Variants in KDM5C observed in about 807,000 individuals in gnomAD.
KDM5C encodes the protein lysine-specific demethylase 5C.
A neutral mutation model predicts 110.6 loss-of-function variants in KDM5C; 16 were observed. That is an observed-to-expected ratio of 0.14 (90% confidence interval 0.10 to 0.22). KDM5C has a LOEUF of 0.22. KDM5C is among the 10% of genes least tolerant of loss of function. KDM5C has a pLI of 1.00. For synonymous variants in KDM5C, 511 were observed against 520.4 expected, an observed-to-expected ratio of 0.98 and a Z score of 0.24; for missense variants, 681 against 1,300.9, an observed-to-expected ratio of 0.52 and a Z score of 7.33.
rs782308009 is a variant in KDM5C, at chrX:53,197,552, T to G, written c.2622+219A>C. Reference sequence around the variant, plus strand: ...CTCCTCCAGGAAACCTTACCTGGACTCTGTATCCTATACCCATACCCTTGC... The same window carrying G: ...CTCCTCCAGGAAACCTTACCTGGACGCTGTATCCTATACCCATACCCTTGC... On this transcript the variant is annotated intron_variant, in intron 18 of 25. Transcript: ENST00000375401. The G allele has an allele frequency of 1.2e-4, 48 of 417,120 alleles. No individual in the cohort carries two copies. In the African/African-American group the frequency reaches 1.2e-3, roughly 10 times the overall value. 34.4% of individuals were successfully genotyped at this position (417,120 alleles called of 1,213,427 possible).
chrX:53,194,967 C>G lies in KDM5C; in HGVS notation c.3402G>C (p.Gly1134=), dbSNP rs1556835381. 8.3e-7 allele frequency: 1 copy of G among 1,211,177 alleles called. No individual in the cohort carries two copies. The highest frequency in any genetic ancestry group is 1.1e-6 in the Non-Finnish European group (1 of 895,106). The change falls in exon 22 of 26, where the codon GGG becomes GGC. Residue 1134 remains glycine (G), a synonymous_variant. Transcript: ENST00000375401. The part of the protein sequence containing the change: ...GLYKSDTELL[G]LSAQDLRDPG... ...GGTCCCTGAGGTCCTGCGCAGACAGCCCCAGCAGCTCTGTGTCAGATTTGT... is the reference window on the plus strand; with the variant it reads ...GGTCCCTGAGGTCCTGCGCAGACAGGCCCAGCAGCTCTGTGTCAGATTTGT...
chrX:53,192,799 T>C lies in KDM5C; in HGVS notation c.*168A>G. On this transcript the variant is annotated 3_prime_UTR_variant, in exon 26 of 26. Coordinates refer to ENST00000375401, the MANE Select transcript of KDM5C (RefSeq NM_004187.5). ...CCCCCAGGAGCTGAGGTCTGAACAA[T>C]ACCTTGGAGTCAGAATACAAAAGTC... 1 of 1,109,745 alleles carries C rather than the reference T, an allele frequency of 9.0e-7. No homozygotes were observed. The highest frequency in any genetic ancestry group is 1.2e-6 in the Non-Finnish European group (1 of 836,606). The allele number at this position is 1,109,745 out of a possible 1,213,427, so 91.5% of individuals were successfully genotyped here. A position where few individuals can be genotyped will look rare whatever the true frequency, so the allele number is the denominator to read the frequency against.
At chrX:53,207,968 CAA>C (rs781945536) in intron 12 of KDM5C, among the ~76,000 whole-genome samples, 175 of 30,558 alleles carry the variant, frequency 5.7e-3, no homozygotes, top group African/African-American at 0.021. Flanking sequence ...GACTCTGTCT[CAA>C]AAAAAAAAAA....
At chrX:53,207,886 T>C (rs372598194) in intron 12 of KDM5C, among the ~76,000 whole-genome samples, 25 of 104,014 alleles carry the variant, frequency 2.4e-4, no homozygotes, top group South Asian at 4.4e-4. Context: ...GAGGAGGAGG[T>C]TGCAGTGAGC....
At chrX:53,195,155 T>G in intron 21 of KDM5C, 76 bp downstream of exon 21, 1 of 1,169,506 alleles carries the variant, frequency 8.6e-7, no homozygotes, top group Non-Finnish European at 1.2e-6. Context: ...ACAAAACCCA[T>G]GTTATCTCAT....
rs1480007973 is a variant in KDM5C at position 53,224,981 on chromosome X, C to A, written c.-92G>T. ...CGCTGTTTGAAGCCGAGGCAATGCTCGGAGGCTAGGCCCTAAGCGGGGCAG... is the reference window on the plus strand; with the variant it reads ...CGCTGTTTGAAGCCGAGGCAATGCTAGGAGGCTAGGCCCTAAGCGGGGCAG... On this transcript the variant is annotated 5_prime_UTR_variant, in exon 1 of 26. Transcript: ENST00000375401. 3 of 1,047,673 alleles carry A rather than the reference C, an allele frequency of 2.9e-6. No individual in the cohort carries two copies. The highest frequency in any genetic ancestry group is 2.5e-6 in the Non-Finnish European group (2 of 795,823). 86.3% of individuals were successfully genotyped at this position (1,047,673 alleles called of 1,213,427 possible). A position where few individuals can be genotyped will look rare whatever the true frequency, so the allele number is the denominator to read the frequency against.
downstream of KDM5C, chrX:53,191,648 G>A: frequency 5.7e-6 from 1 of 174,675 alleles, no homozygotes; most frequent in East Asian, 8.1e-5. Flanking sequence ...AGGGAATTAT[G>A]CAGTAGATGG....
chrX:53,193,568 G>A lies in KDM5C; in HGVS notation c.4186C>T (p.Arg1396Trp), dbSNP rs782171515. The A allele has an allele frequency of 8.3e-7, 1 of 1,211,785 alleles. No individual in the cohort carries two copies. The highest frequency in any genetic ancestry group is 2.2e-5 in the Admixed American group (1 of 46,084). Residue 1396 changes from arginine (R) to tryptophan (W), a missense_variant, in exon 25 of 26, where the codon CGG becomes TGG. Transcript: ENST00000375401. The stretch of plus-strand genomic sequence containing the variant: ...ATCATGAGCTCCTCCAAGGGGGCCC[G>A]GGTTGCCTCAGGCAGTTCCAACACA... Reference protein sequence around the residue: ...GPVLELPEATRAPLEELMMEG... With the variant: ...GPVLELPEATWAPLEELMMEG...
chrX:53,203,579 C>T lies in KDM5C; in HGVS notation c.1747-1606G>A, dbSNP rs2073218616. On this transcript the variant is annotated intron_variant, in intron 12 of 25. Coordinates refer to ENST00000375401, the MANE Select transcript of KDM5C (RefSeq NM_004187.5). The stretch of plus-strand genomic sequence containing the variant: ...TCATCTTTCAAAAGTGGAAAACATA[C>T]ACTTTTTACATTTTTCACTTTTGCT... Among the ~76,000 whole-genome samples, 3 of 111,488 alleles carry T rather than the reference C, an allele frequency of 2.7e-5. No individual in the cohort carries two copies. The Admixed American group carries it at 2.9e-4, about 11-fold the overall frequency.
At chrX:53,209,595 C>T (rs1420930112) in intron 12 of KDM5C, among the ~76,000 whole-genome samples, 2 of 111,246 alleles carry the variant, frequency 1.8e-5, no homozygotes, top group Non-Finnish European at 3.8e-5. Context: ...GGCCAAAGAG[C>T]GTGGAAGGGT....
chrX:53,205,649 C>T (rs1316488501), intron 12 of KDM5C, among the ~76,000 whole-genome samples: 2 of 112,064 alleles, frequency 1.8e-5, no homozygotes, highest in Admixed American at 9.5e-5. Context: ...TGATAACCCC[C>T]GCTTCCTAAA....
chrX:53,207,028 T>C (rs1163209330), intron 12 of KDM5C, among the ~76,000 whole-genome samples: 3 of 105,420 alleles, frequency 2.8e-5, no homozygotes, highest in Non-Finnish European at 5.8e-5. Context: ...TACACAAAAA[T>C]TAGCCAGGCA....
At position 53,211,587 on chromosome X, in the gene KDM5C, A is replaced by G. The variant is rs1220879151; in HGVS notation, c.1311T>C (p.Thr437=). 1 of 1,209,723 alleles carries G rather than the reference A, an allele frequency of 8.3e-7. No individual in the cohort carries two copies. Among genetic ancestry groups the G allele is most frequent in the Non-Finnish European group, 1.1e-6 (1 of 894,821 alleles). The change falls in exon 10 of 26, where the codon ACT becomes ACC. Residue 437 remains threonine, a synonymous_variant. Coordinates refer to ENST00000375401, the MANE Select transcript of KDM5C (RefSeq NM_004187.5). Reference sequence around the variant, plus strand: ...AATGGATGTCAGCTCCATACTCAACAGTCACATCTTCCTCAATGCTATTTA... The same window carrying G: ...AATGGATGTCAGCTCCATACTCAACGGTCACATCTTCCTCAATGCTATTTA... The part of the protein sequence containing the change: ...RLVNSIEEDV[T]VEYGADIHSK...
At chrX:53,211,941 A>G (rs781792511) in intron 8 of KDM5C, 35 bp from the exon 9 acceptor site, 17 of 1,204,558 alleles carry the variant, frequency 1.4e-5, no homozygotes, top group African/African-American at 1.4e-4. Context: ...ACCAAAACAG[A>G]GGCAAAGAGG....
intron 12 of KDM5C, among the ~76,000 whole-genome samples, chrX:53,207,700 G>C (rs2073389182): frequency 9.0e-6 from 1 of 111,544 alleles, no homozygotes; most frequent in Non-Finnish European, 1.9e-5. Context: ...TGTAATCCTA[G>C]CACTTTGGGA....
In KDM5C at chrX:53,194,567, G is replaced by T; in HGVS notation, c.3610C>A (p.Leu1204Met). The T allele has an allele frequency of 8.3e-7, 1 of 1,211,972 alleles. No homozygotes were observed. The highest frequency in any genetic ancestry group is 1.1e-6 in the Non-Finnish European group (1 of 895,388). The part of the protein sequence containing the change: ...LAGAGALQCD[L>M]CQDWFHGRCV... ...CGCCCATGGAACCAGTCCTGACACA[G>T]GTCACACTGCAGAGCTCCCGCCCCA... is the stretch of plus-strand genomic sequence containing the variant. Residue 1204 changes from leucine to methionine, a missense_variant, in exon 23 of 26, where the codon CTG (leucine) becomes ATG (methionine). By Grantham distance (15) the Leu-to-Met change is conservative (BLOSUM62 2). This residue lies in a region of KDM5C where 48 missense variants were observed against 59.7 expected (regional missense o/e 0.80). Coordinates refer to ENST00000375401, the MANE Select transcript of KDM5C (RefSeq NM_004187.5).
intron 12 of KDM5C, among the ~76,000 whole-genome samples, chrX:53,206,165 A>C (rs1320380182): frequency 8.9e-6 from 1 of 112,707 alleles, no homozygotes. Flanking sequence ...TAAAGTTCTG[A>C]TACATGCTGC....
At chrX:53,203,778 T>C (rs2073227868) in intron 12 of KDM5C, among the ~76,000 whole-genome samples, 1 of 109,670 alleles carries the variant, frequency 9.1e-6, no homozygotes, top group African/African-American at 3.3e-5. Context: ...TTTTGTTTTT[T>C]TTTTTTGACG....
intron 8 of KDM5C, chrX:53,214,436 A>T (rs1556850603): frequency 2.7e-6 from 1 of 374,712 alleles, no homozygotes; most frequent in Non-Finnish European, 4.6e-6. Flanking sequence ...CACACAATTT[A>T]GCCTCTGTTT....
Sources: gnomAD v4.1 joint callset for allele counts (sites outside exome capture counted in the v4.1 genomes callset) on GRCh38, gnomAD v4.1.1 for gene constraint, gnomAD v4.1.1 regional missense constraint, MANE v1.5 for transcripts, NCBI Gene and HGNC (gene_info 2026-07-23, HGNC 2026-07-21) for gene names.